The following PDE4B variants were observed in gnomAD, a reference collection of about 807,000 sequenced individuals.
The protein encoded by PDE4B is phosphodiesterase 4B, also known as 3',5'-cyclic-AMP phosphodiesterase 4B.
PDE4B carries 20 observed loss-of-function variants against 82.2 expected under a neutral mutation model. The ratio of observed to expected loss-of-function variants is 0.24; its 90% CI spans 0.17 to 0.35. The LOEUF is 0.35. Ranked by LOEUF, PDE4B falls within the 10% of genes least tolerant of loss-of-function variation. The pLI, the probability that PDE4B is intolerant of heterozygous loss-of-function variation, is 1.00. For missense variants in PDE4B, 655 were observed against 907.2 expected (o/e 0.72, Z 3.57); for synonymous variants, 320 against 318.9 (o/e 1.00, Z -0.04).
chr1:65,935,537 AAC>A (rs560535922), intron 3 of PDE4B, among the ~76,000 whole-genome samples: 208 of 152,306 alleles, frequency 1.4e-3, no homozygotes, highest in African/African-American at 4.9e-3. Context: ...TAAATTTACA[AAC>A]AAATATTTTT....
At chr1:66,011,096 G>C (rs1275707059) in intron 3 of PDE4B, among the ~76,000 whole-genome samples, 1 of 151,610 alleles carries the variant, frequency 6.6e-6, no homozygotes, top group African/African-American at 2.4e-5. Context: ...TGTATGCATA[G>C]TTAATCCTTT....
At chr1:66,127,153 A>T (rs187873844) in intron 3 of PDE4B, among the ~76,000 whole-genome samples, 51 of 152,046 alleles carry the variant, frequency 3.4e-4, no homozygotes, top group Non-Finnish European at 6.3e-4. Flanking sequence ...ATAGTATTGT[A>T]CTATGACAAT....
At chr1:65,908,468 AAG>A (rs764480759) in intron 1 of PDE4B, among the ~76,000 whole-genome samples, 32 of 152,162 alleles carry the variant, frequency 2.1e-4, no homozygotes, top group Admixed American at 1.3e-4. Context: ...GAGAAGGAGA[AAG>A]AGAAGTGGAG....
chr1:66,087,295 G>C (rs1047262261), intron 3 of PDE4B, among the ~76,000 whole-genome samples: 2 of 152,132 alleles, frequency 1.3e-5, no homozygotes, highest in Non-Finnish European at 2.9e-5. Flanking sequence ...AGGGAAGTCA[G>C]TTAAGAGTTT....
At chr1:66,119,884 A>G (rs1184489545) in intron 3 of PDE4B, among the ~76,000 whole-genome samples, 1 of 152,170 alleles carries the variant, frequency 6.6e-6, no homozygotes, top group Non-Finnish European at 1.5e-5. Context: ...GGAAGACAAC[A>G]TGAAGACACA....
rs774606942 is a variant in PDE4B at position 66,363,586 on chromosome 1, C to T, written c.1284+15C>T. The T allele has an allele frequency of 6.2e-7, 1 of 1,600,746 alleles. No individual in the cohort carries two copies. Among genetic ancestry groups the T allele is most frequent in the Non-Finnish European group, 8.5e-7 (1 of 1,172,086 alleles). On this transcript the variant is annotated intron_variant, in intron 12 of 16. Coordinates refer to ENST00000341517, the MANE Select transcript of PDE4B (RefSeq NM_002600.4). ...CAGCATTAGACGTGAGTAATTATGA[C>T]CTGTTTTGCATTCCTGCCCATCCTC... is the stretch of plus-strand genomic sequence containing the variant.
Position 66,307,237 on chromosome 1 carries a change from G to A in PDE4B, c.635-25271G>A, listed in dbSNP as rs554210729. 4.6e-5 allele frequency among the ~76,000 whole-genome samples: 7 copies of A among 152,192 alleles called. No individual in the cohort carries two copies. The East Asian group carries it at 1.2e-3, about 25-fold the overall frequency. On this transcript the variant is annotated intron_variant, in intron 7 of 16. Coordinates refer to ENST00000341517, the MANE Select transcript of PDE4B (RefSeq NM_002600.4). ...GAAAGATAGAATATCATTGAAGCAGGGCCTAAAGAAAAGCTTTCAGGTTGT... is the reference window on the plus strand; with the variant it reads ...GAAAGATAGAATATCATTGAAGCAGAGCCTAAAGAAAAGCTTTCAGGTTGT...
At position 66,247,449 on chromosome 1, in the gene PDE4B, T is replaced by G. The variant is rs764976806; in HGVS notation, c.282-11T>G. The G allele has an allele frequency of 1.3e-6, 2 of 1,544,514 alleles. No homozygotes were observed. Among genetic ancestry groups the G allele is most frequent in the South Asian group, 2.5e-5 (2 of 80,116 alleles). On this transcript the variant is annotated splice_polypyrimidine_tract_variant and intron_variant, in intron 3 of 16. Coordinates refer to ENST00000341517, the MANE Select transcript of PDE4B (RefSeq NM_002600.4). ...TATCATGTGACCAGAGTTTCCCACTTTCTCTTTAAGCTTTGATGTGGAAAA... is the reference window on the plus strand; with the variant it reads ...TATCATGTGACCAGAGTTTCCCACTGTCTCTTTAAGCTTTGATGTGGAAAA...
At chr1:65,964,808 T>C (rs1376845532) in intron 3 of PDE4B, among the ~76,000 whole-genome samples, 2 of 152,142 alleles carry the variant, frequency 1.3e-5, no homozygotes, top group African/African-American at 4.8e-5. Context: ...CAAAACACTA[T>C]AATAACAATT....
intron 3 of PDE4B, among the ~76,000 whole-genome samples, chr1:66,210,516 A>C (rs1303855545): frequency 6.7e-6 from 1 of 148,992 alleles, no homozygotes; most frequent in East Asian, 2.0e-4. Context: ...GAATCGCTTG[A>C]ACCCGGGAAG....
intron 3 of PDE4B, among the ~76,000 whole-genome samples, chr1:66,222,413 C>A (rs564661846): frequency 4.6e-5 from 7 of 152,280 alleles, no homozygotes; most frequent in Admixed American, 2.0e-4. Context: ...AATGTGTGTG[C>A]ATTTTCTAAC....
chr1:66,361,819 A>G (rs772621338), intron 10 of PDE4B, 26 bp downstream of exon 10: 3 of 1,582,250 alleles, frequency 1.9e-6, no homozygotes, highest in African/African-American at 1.4e-5. Flanking sequence ...GGTTTTGTGC[A>G]TGTAGCTCTC....
chr1:66,064,972 C>T (rs1003856972), intron 3 of PDE4B, among the ~76,000 whole-genome samples: 6 of 151,782 alleles, frequency 4.0e-5, no homozygotes, highest in Non-Finnish European at 8.8e-5. Context: ...ATAAAAATTT[C>T]GTTACTTTTA....
chr1:66,092,275 T>C (rs547227017), intron 3 of PDE4B, among the ~76,000 whole-genome samples: 1 of 152,188 alleles, frequency 6.6e-6, no homozygotes, highest in South Asian at 2.1e-4. Context: ...ACTGACATAC[T>C]GGATAGTAGA....
At chr1:65,884,069 T>C (rs1449354391) in intron 1 of PDE4B, among the ~76,000 whole-genome samples, 6 of 152,172 alleles carry the variant, frequency 3.9e-5, no homozygotes, top group Admixed American at 6.5e-5. Flanking sequence ...CAGTATTTTA[T>C]TGAGGATTTT....
chr1:66,266,928 A>G, intron 7 of PDE4B: 1 of 248,138 alleles, frequency 4.0e-6, no homozygotes, highest in Non-Finnish European at 8.3e-6. Flanking sequence ...CTGACACCTA[A>G]CGATGCCTCA....
chr1:66,230,766 C>A (rs566955847), intron 3 of PDE4B, among the ~76,000 whole-genome samples: 11 of 152,108 alleles, frequency 7.2e-5, no homozygotes, highest in Non-Finnish European at 1.6e-4. Context: ...TAGTTCCTGA[C>A]CAGGTGCAGT....
At chr1:66,290,483 A>G (rs1443701665) in intron 7 of PDE4B, among the ~76,000 whole-genome samples, 1 of 152,164 alleles carries the variant, frequency 6.6e-6, no homozygotes, top group African/African-American at 2.4e-5. Context: ...GTCAAGAGGG[A>G]CATTTGAGGA....
At chr1:66,360,620 A>C (rs1360658624) in intron 9 of PDE4B, 1 of 152,248 alleles carries the variant, frequency 6.6e-6, no homozygotes, top group Admixed American at 6.5e-5. Flanking sequence ...GTTTTTATGC[A>C]ATTTAATAAT....
Sources: allele counts gnomAD v4.1 joint callset (sites outside exome capture counted in the v4.1 genomes callset), GRCh38; gene constraint gnomAD v4.1.1; transcripts MANE v1.5; gene names NCBI Gene and HGNC (gene_info 2026-07-23, HGNC 2026-07-21).